The following EEPD1 variants were observed in gnomAD, a reference collection of about 807,000 sequenced individuals.
EEPD1 encodes endonuclease/exonuclease/phosphatase family domain-containing protein 1.
A neutral mutation model predicts 46.3 loss-of-function variants in EEPD1; 17 were observed. The ratio of observed to expected loss-of-function variants is 0.37; its 90% CI spans 0.25 to 0.55. The LOEUF (loss-of-function observed/expected upper bound fraction) is 0.55. Ranked by LOEUF, EEPD1 falls within the 20% of genes least tolerant of loss-of-function variation. The probability of loss-of-function intolerance (pLI) is 0.83; values close to 1 mark genes in which losing one functional copy is unlikely to be tolerated. For missense variants in EEPD1, 673 were observed against 745.6 expected (o/e 0.90, Z 1.13); for synonymous variants, 313 against 315.6 (o/e 0.99, Z 0.09).
chr7:36,239,879 A>G, intron 3 of EEPD1, among the ~76,000 whole-genome samples: 1 of 152,224 alleles, frequency 6.6e-6, no homozygotes, highest in East Asian at 1.9e-4. Flanking sequence ...GATAATTAGA[A>G]TCTGTGTTGC....
At chr7:36,168,746 A>C (rs1333982677) in intron 2 of EEPD1, among the ~76,000 whole-genome samples, 1 of 133,596 alleles carries the variant, frequency 7.5e-6, no homozygotes, top group Non-Finnish European at 1.6e-5. Context: ...CGACAGAGCA[A>C]GACTCTGTCT....
intron 2 of EEPD1, among the ~76,000 whole-genome samples, chr7:36,235,410 C>G (rs1786415586): frequency 6.6e-6 from 1 of 152,254 alleles, no homozygotes; most frequent in Non-Finnish European, 1.5e-5. Flanking sequence ...CATCTCTGCC[C>G]TTGGAGCCTC....
At chr7:36,251,781 G>C (rs192010978) in intron 3 of EEPD1, among the ~76,000 whole-genome samples, 52 of 152,056 alleles carry the variant, frequency 3.4e-4, no homozygotes, top group Non-Finnish European at 4.6e-4. Flanking sequence ...GTTTTCAAAA[G>C]TTTTTTGCTT....
chr7:36,202,383 T>C (rs1785726133), intron 2 of EEPD1, among the ~76,000 whole-genome samples: 1 of 152,130 alleles, frequency 6.6e-6, no homozygotes. Flanking sequence ...CTGCTTATTT[T>C]CTGCAGGGAC....
At chr7:36,212,053 A>G (rs535890699) in intron 2 of EEPD1, among the ~76,000 whole-genome samples, 1 of 152,360 alleles carries the variant, frequency 6.6e-6, no homozygotes, top group African/African-American at 2.4e-5. Flanking sequence ...AATTACTTAC[A>G]TAAATCTAAA....
chr7:36,222,759 A>G (rs1786167037), intron 2 of EEPD1, among the ~76,000 whole-genome samples: 1 of 152,136 alleles, frequency 6.6e-6, no homozygotes, highest in South Asian at 2.1e-4. Context: ...CACTTGGTGG[A>G]AGGAGCAAAG....
chr7:36,184,632 G>A (rs974353838), intron 2 of EEPD1, among the ~76,000 whole-genome samples: 4 of 152,144 alleles, frequency 2.6e-5, no homozygotes, highest in African/African-American at 9.7e-5. Flanking sequence ...TCGTAACTAG[G>A]CAGTAGACTG....
At chr7:36,185,816 G>A (rs765045006) in intron 2 of EEPD1, among the ~76,000 whole-genome samples, 9 of 152,100 alleles carry the variant, frequency 5.9e-5, no homozygotes, top group African/African-American at 1.2e-4. Flanking sequence ...TTGGCGTGTC[G>A]GTAAGCTTTG....
intron 3 of EEPD1, among the ~76,000 whole-genome samples, chr7:36,249,799 A>G (rs1786705309): frequency 6.6e-6 from 1 of 152,204 alleles, no homozygotes; most frequent in Admixed American, 6.5e-5. Flanking sequence ...TGTAGCTCGC[A>G]TTGTAACTTA....
rs1427852953 is a variant in EEPD1, at chr7:36,299,393, C to T, written c.*187C>T. On this transcript the variant is annotated 3_prime_UTR_variant, in exon 8 of 8. Coordinates refer to ENST00000242108, the MANE Select transcript of EEPD1 (RefSeq NM_030636.3). Reference sequence around the variant, plus strand: ...CCTCCAGTGGGGGTGGCGTGCCAGGCGCGTACCCCACCAGGTGGGCAAAGC... The same window carrying T: ...CCTCCAGTGGGGGTGGCGTGCCAGGTGCGTACCCCACCAGGTGGGCAAAGC... The T allele has an allele frequency of 7.0e-6, 5 of 711,260 alleles. No homozygotes were observed. The highest frequency in any genetic ancestry group is 2.9e-5 in the Admixed American group (1 of 34,050). 44.1% of individuals were successfully genotyped at this position (711,260 alleles called of 1,614,324 possible). A position where few individuals can be genotyped will look rare whatever the true frequency, so the allele number is the denominator to read the frequency against.
intron 2 of EEPD1, among the ~76,000 whole-genome samples, chr7:36,203,074 T>G (rs1409372006): frequency 6.6e-6 from 1 of 152,168 alleles, no homozygotes. Context: ...AGTGTTGGGT[T>G]CTGGGTTTGG....
At chr7:36,176,687 A>T (rs1247059159) in intron 2 of EEPD1, among the ~76,000 whole-genome samples, 2 of 152,224 alleles carry the variant, frequency 1.3e-5, no homozygotes, top group African/African-American at 4.8e-5. Context: ...AAACATCTAT[A>T]ATTAAAAAGA....
intron 2 of EEPD1, among the ~76,000 whole-genome samples, chr7:36,198,070 A>AT (rs1162578371): frequency 6.6e-6 from 1 of 152,132 alleles, no homozygotes; most frequent in Non-Finnish European, 1.5e-5. Context: ...AAATGCAGAA[A>AT]TTATTTTTCT....
At chr7:36,185,271 T>C (rs1020224153) in intron 2 of EEPD1, among the ~76,000 whole-genome samples, 9 of 152,396 alleles carry the variant, frequency 5.9e-5, no homozygotes, top group Admixed American at 4.6e-4. Context: ...CAGCTTGCTT[T>C]CTGTTTCATT....
At chr7:36,168,750 T>A (rs561528950) in intron 2 of EEPD1, among the ~76,000 whole-genome samples, 1,211 of 117,402 alleles carry the variant, frequency 0.01, 5 homozygotes, top group Non-Finnish European at 0.016. Context: ...AGAGCAAGAC[T>A]CTGTCTCAAA....
At chr7:36,215,386 G>T (rs1786011961) in intron 2 of EEPD1, among the ~76,000 whole-genome samples, 1 of 152,240 alleles carries the variant, frequency 6.6e-6, no homozygotes, top group African/African-American at 2.4e-5. Flanking sequence ...TTTAACTGCA[G>T]CTCTCAGTAT....
chr7:36,273,004 CTG>C (rs898438562), intron 3 of EEPD1, among the ~76,000 whole-genome samples: 2 of 152,210 alleles, frequency 1.3e-5, no homozygotes, highest in African/African-American at 4.8e-5. Context: ...GTACTGACCT[CTG>C]TGTGAAATCT....
At chr7:36,209,239 T>G (rs571439543) in intron 2 of EEPD1, among the ~76,000 whole-genome samples, 1 of 152,314 alleles carries the variant, frequency 6.6e-6, no homozygotes, top group South Asian at 2.1e-4. Flanking sequence ...TGTTTACTCA[T>G]TATTTTATAC....
At chr7:36,269,902 C>T (rs1340046404) in intron 3 of EEPD1, among the ~76,000 whole-genome samples, 1 of 152,138 alleles carries the variant, frequency 6.6e-6, no homozygotes, top group Non-Finnish European at 1.5e-5. Flanking sequence ...TTATTGCTAC[C>T]TTGCTAGGTG....
Sources: gnomAD v4.1 joint callset for allele counts (sites outside exome capture counted in the v4.1 genomes callset) on GRCh38, gnomAD v4.1.1 for gene constraint, MANE v1.5 for transcripts, NCBI Gene and HGNC (gene_info 2026-07-23, HGNC 2026-07-21) for gene names.